The following FBXO40 variants were observed in gnomAD, a reference collection of about 807,000 sequenced individuals.
FBXO40 encodes the protein F-box protein 40.
A neutral mutation model predicts 49.9 loss-of-function variants in FBXO40; 50 were observed. The observed-to-expected ratio is 1.00, with a 90% CI of 0.80 to 1.27. The LOEUF (loss-of-function observed/expected upper bound fraction) is 1.27. FBXO40 is among the 50% of genes most tolerant of loss of function. The pLI, the probability that FBXO40 is intolerant of heterozygous loss-of-function variation, is 0.00. For synonymous variants in FBXO40, 340 were observed against 320.2 expected (o/e 1.06, Z -0.66); for missense variants, 895 against 870.1 (o/e 1.03, Z -0.36).
In FBXO40 at chr3:121,621,984, G is replaced by A. The variant is rs1576455749; in HGVS notation, c.555G>A (p.Leu185=). 2 of 1,614,236 alleles carry A rather than the reference G, an allele frequency of 1.2e-6. No homozygotes were observed. Among genetic ancestry groups the A allele is most frequent in the Non-Finnish European group, 1.7e-6 (2 of 1,180,034 alleles). ...ATATCGGTTTGGTACCACATGGTCT[G>A]TCAGCAACTAATGGGGAGATGGCAG... ...GVDIGLVPHG[L]SATNGEMAEL... Residue 185 remains leucine, a synonymous_variant, in exon 3 of 4, where the codon CTG becomes CTA. Coordinates refer to ENST00000338040, the MANE Select transcript of FBXO40 (RefSeq NM_016298.4).
At chr3:121,617,050 G>A (rs1220756728) in intron 1 of FBXO40, among the ~76,000 whole-genome samples, 2 of 152,174 alleles carry the variant, frequency 1.3e-5, no homozygotes, top group African/African-American at 4.8e-5. Flanking sequence ...AGAGGTTGGT[G>A]AATGGATATG....
Position 121,621,490 on chromosome 3 carries a change from C to A in FBXO40, c.61C>A (p.Arg21Ser), listed in dbSNP as rs572469869. 4 of 1,614,214 alleles carry A rather than the reference C, an allele frequency of 2.5e-6. No homozygotes were observed. The highest frequency in any genetic ancestry group is 3.4e-6 in the Non-Finnish European group (4 of 1,180,038). The change falls in exon 3 of 4, where the codon CGC (arginine) becomes AGC (serine). Residue 21 changes from arginine to serine, a missense_variant. Coordinates refer to ENST00000338040, the MANE Select transcript of FBXO40 (RefSeq NM_016298.4). ...HHRHCEGCFNRHCHIPVEPNT... is the reference protein window; with the variant it reads ...HHRHCEGCFNSHCHIPVEPNT... The stretch of plus-strand genomic sequence containing the variant: ...CAGGCATTGTGAGGGATGCTTCAAC[C>A]GCCACTGCCACATTCCTGTGGAACC...
At chr3:121,623,441 T>A in intron 3 of FBXO40, 98 bp downstream of exon 3, 3 of 1,010,016 alleles carry the variant, frequency 3.0e-6, no homozygotes, top group Non-Finnish European at 4.3e-6. Flanking sequence ...AAAAGTGCAG[T>A]GGTGCAATCA....
At position 121,627,637 on chromosome 3, in the gene FBXO40, A is replaced by G; in HGVS notation, c.*727A>G. The stretch of plus-strand genomic sequence containing the variant: ...TCCAAAGGAGACACCATATTTATGG[A>G]GAACATTAGGACAAAAAGTCACCAA... On this transcript the variant is annotated 3_prime_UTR_variant, in exon 4 of 4. Coordinates refer to ENST00000338040, the MANE Select transcript of FBXO40 (RefSeq NM_016298.4). 2 of 390,848 alleles carry G rather than the reference A, an allele frequency of 5.1e-6. No homozygotes were observed. The highest frequency in any genetic ancestry group is 7.3e-5 in the East Asian group (2 of 27,530). The allele number at this position is 390,848 out of a possible 1,614,324, so 24.2% of individuals were successfully genotyped here.
rs2049037239 is a variant in FBXO40, at chr3:121,622,392, T to C, written c.963T>C (p.Phe321=). 1 of 1,614,112 alleles carries C rather than the reference T, an allele frequency of 6.2e-7. No homozygotes were observed. The highest frequency in any genetic ancestry group is 8.5e-7 in the Non-Finnish European group (1 of 1,180,052). ...LVHNGRMLIH[F]GQMPACTPKE... ...ACAATGGGCGGATGCTGATACACTTTGGTCAGATGCCTGCTTGTACACCCA... is the reference window on the plus strand; with the variant it reads ...ACAATGGGCGGATGCTGATACACTTCGGTCAGATGCCTGCTTGTACACCCA... Residue 321 remains phenylalanine (F), a synonymous_variant, in exon 3 of 4, where the codon TTT becomes TTC. Transcript: ENST00000338040.
chr3:121,624,412 C>A (rs1226693081), intron 3 of FBXO40, among the ~76,000 whole-genome samples: 1 of 152,070 alleles, frequency 6.6e-6, no homozygotes, highest in Non-Finnish European at 1.5e-5. Flanking sequence ...AATAGCAATC[C>A]GGAGGGTAGT....
intron 1 of FBXO40, among the ~76,000 whole-genome samples, chr3:121,612,304 T>C (rs1043777137): frequency 6.6e-6 from 1 of 152,120 alleles, no homozygotes; most frequent in Non-Finnish European, 1.5e-5. Flanking sequence ...CTAAGAGTGG[T>C]GCTGGTGAAG....
At chr3:121,616,707 G>A (rs754121266) in intron 1 of FBXO40, among the ~76,000 whole-genome samples, 1 of 152,188 alleles carries the variant, frequency 6.6e-6, no homozygotes, top group Non-Finnish European at 1.5e-5. Context: ...ACAAATGTTT[G>A]TTGAGTGGGT....
Position 121,605,404 on chromosome 3 carries a change from G to A in FBXO40, c.-31+11902G>A, listed in dbSNP as rs116848914. ...TGGGTTTTGGTCGTTGCGACCAATC[G>A]GTAGCAGATAAGTCCATTTGTTGCA... On this transcript the variant is annotated intron_variant, in intron 1 of 3. Coordinates refer to ENST00000338040, the MANE Select transcript of FBXO40 (RefSeq NM_016298.4). Among the ~76,000 whole-genome samples the A allele has an allele frequency of 7.2e-5, 11 of 152,262 alleles. No individual in the cohort carries two copies. In the East Asian group the frequency reaches 1.9e-3, roughly 27 times the overall value.
At position 121,627,053 on chromosome 3, in the gene FBXO40, G is replaced by A. The variant is rs1443745161; in HGVS notation, c.*143G>A. 28 of 698,264 alleles carry A rather than the reference G, an allele frequency of 4.0e-5. No individual in the cohort carries two copies. The highest frequency in any genetic ancestry group is 5.1e-5 in the Non-Finnish European group (21 of 412,206). 43.3% of individuals were successfully genotyped at this position (698,264 alleles called of 1,614,324 possible). On this transcript the variant is annotated 3_prime_UTR_variant, in exon 4 of 4. Transcript: ENST00000338040. ...TGTATTGGAACACGCAATGTCCTTC[G>A]AAACCTCAACACGAGGCCTAAGAAT...
At chr3:121,613,654 A>T (rs566633192) in intron 1 of FBXO40, among the ~76,000 whole-genome samples, 2 of 152,344 alleles carry the variant, frequency 1.3e-5, no homozygotes, top group African/African-American at 4.8e-5. Context: ...GGCGTTTCTA[A>T]TCTTGTCACA....
In FBXO40 at chr3:121,621,773, T is replaced by G. The variant is rs142028632; in HGVS notation, c.344T>G (p.Ile115Ser). The change falls in exon 3 of 4, where the codon ATC becomes AGC. Residue 115 changes from isoleucine (I) to serine (S), a missense_variant. By Grantham distance (142) the Ile-to-Ser change is moderately radical. Transcript: ENST00000338040. ...TCTGAAACCACCCTTCATGAAAACA[T>G]CATGAAAGAGACCCCCAGTGAGGAG... Reference protein sequence around the residue: ...VDSETTLHENIMKETPSEECL... With the variant: ...VDSETTLHENSMKETPSEECL... The G allele has an allele frequency of 7.7e-4, 1,235 of 1,614,058 alleles. No individual in the cohort carries two copies. The highest frequency in any genetic ancestry group is 1.0e-3 in the Non-Finnish European group (1,189 of 1,180,036).
At position 121,621,609 on chromosome 3, in the gene FBXO40, A is replaced by G; in HGVS notation, c.180A>G (p.Leu60=). ...CAGAGCACCAGCTCCTCTGCCCTTT[A>G]GAGCAGGTTCCGTGCCTCAACTCCG... The part of the protein sequence containing the change: ...KEAEHQLLCP[L]EQVPCLNSEY... The change falls in exon 3 of 4, where the codon TTA becomes TTG. Residue 60 remains leucine, a synonymous_variant. Coordinates refer to ENST00000338040, the MANE Select transcript of FBXO40 (RefSeq NM_016298.4). 1 of 1,614,240 alleles carries G rather than the reference A, an allele frequency of 6.2e-7. No individual in the cohort carries two copies. The highest frequency in any genetic ancestry group is 1.7e-5 in the Admixed American group (1 of 60,036).
intron 1 of FBXO40, among the ~76,000 whole-genome samples, chr3:121,594,092 T>C (rs2048857217): frequency 3.3e-5 from 5 of 152,162 alleles, no homozygotes; most frequent in African/African-American, 2.4e-5. Context: ...GGTCTTGAAC[T>C]CCTGGCCTCA....
At chr3:121,617,335 C>T (rs1388304761) in intron 1 of FBXO40, among the ~76,000 whole-genome samples, 2 of 152,144 alleles carry the variant, frequency 1.3e-5, no homozygotes, top group African/African-American at 2.4e-5. Context: ...GTGGCTCACA[C>T]CTGTAATCCC....
intron 1 of FBXO40, among the ~76,000 whole-genome samples, chr3:121,594,260 G>A (rs1384578167): frequency 1.3e-5 from 2 of 151,986 alleles, no homozygotes; most frequent in African/African-American, 4.8e-5. Context: ...GAGTGCAGTG[G>A]TGCAGTCTCA....
At chr3:121,609,652 C>G (rs1373048066) in intron 1 of FBXO40, among the ~76,000 whole-genome samples, 5 of 152,116 alleles carry the variant, frequency 3.3e-5, no homozygotes, top group African/African-American at 4.8e-5. Context: ...AAGTAACACT[C>G]GTTTGTTTTA....
At chr3:121,625,286 A>G (rs1322860923) in intron 3 of FBXO40, among the ~76,000 whole-genome samples, 1 of 152,196 alleles carries the variant, frequency 6.6e-6, no homozygotes, top group African/African-American at 2.4e-5. Flanking sequence ...TGAACCATGA[A>G]TTTGTGATGC....
intron 1 of FBXO40, among the ~76,000 whole-genome samples, chr3:121,618,554 T>A (rs2049011483): frequency 5.5e-5 from 1 of 18,258 alleles, no homozygotes; most frequent in South Asian, 4.0e-3. Context: ...GCCCGGTTAA[T>A]TTTTTTTTTT....
Sources: allele counts gnomAD v4.1 joint callset (sites outside exome capture counted in the v4.1 genomes callset), GRCh38; gene constraint gnomAD v4.1.1; transcripts MANE v1.5; gene names NCBI Gene and HGNC (gene_info 2026-07-23, HGNC 2026-07-21).